Variants in LCMT1 observed in about 807,000 individuals in gnomAD.
LCMT1 encodes leucine carboxyl methyltransferase 1.
Under a neutral mutation model 47.7 loss-of-function variants are expected in LCMT1, and 32 were observed. The observed-to-expected ratio is 0.67, with a 90% CI of 0.51 to 0.90. The LOEUF (loss-of-function observed/expected upper bound fraction) is 0.90. LCMT1 is among the 40% of genes least tolerant of loss of function. The pLI, the probability that LCMT1 is intolerant of heterozygous loss-of-function variation, is 0.00. For synonymous variants in LCMT1, 152 were observed against 149.7 expected (o/e 1.02, Z -0.11); for missense variants, 375 against 415.2 (o/e 0.90, Z 0.84).
chr16:25,120,975 GT>G (rs1463332985), intron 1 of LCMT1, among the ~76,000 whole-genome samples: 9 of 143,372 alleles, frequency 6.3e-5, no homozygotes, highest in Non-Finnish European at 1.2e-4. Flanking sequence ...GCCTAGACTG[GT>G]CTCAAACTCC....
chr16:25,173,738 T>A (rs1339546248), intron 9 of LCMT1, among the ~76,000 whole-genome samples: 1 of 151,352 alleles, frequency 6.6e-6, no homozygotes, highest in East Asian at 1.9e-4. Context: ...AGAGATGGAG[T>A]CTTGCTATGT....
At position 25,178,119 on chromosome 16, in the gene LCMT1, A is replaced by G. The variant is rs774532019; in HGVS notation, c.*96A>G. On this transcript the variant is annotated 3_prime_UTR_variant, in exon 11 of 11. Transcript: ENST00000399069. ...TGAGCGGTGGGCGGGCCTCGTCCGC[A>G]GGTCTCATCCCACACTCTTGAGAAG... The G allele has an allele frequency of 8.9e-7, 1 of 1,129,780 alleles. No homozygotes were observed. Among genetic ancestry groups the G allele is most frequent in the Non-Finnish European group, 1.3e-6 (1 of 751,336 alleles). 70.0% of individuals were successfully genotyped at this position (1,129,780 alleles called of 1,614,324 possible).
chr16:25,169,270 A>G (rs940043792), intron 8 of LCMT1, 57 bp downstream of exon 8: 2 of 1,151,610 alleles, frequency 1.7e-6, no homozygotes, highest in African/African-American at 1.5e-5. Context: ...AAGATATATA[A>G]AGGTCTTTCT....
intron 5 of LCMT1, among the ~76,000 whole-genome samples, chr16:25,156,909 G>A (rs1473377711): frequency 2.0e-5 from 3 of 151,268 alleles, no homozygotes; most frequent in Non-Finnish European, 2.9e-5. Context: ...TGTACAGTCC[G>A]GAAATCTGCC....
intron 5 of LCMT1, among the ~76,000 whole-genome samples, chr16:25,154,299 C>T (rs4787694): frequency 0.67 from 101,940 of 151,736 alleles, 34,702 homozygotes; most frequent in Non-Finnish European, 0.74. Flanking sequence ...GCGTGAGCCA[C>T]TGGGCCTGGC....
At chr16:25,135,141 A>AC (rs1960465592) in intron 3 of LCMT1, among the ~76,000 whole-genome samples, 1 of 152,006 alleles carries the variant, frequency 6.6e-6, no homozygotes, top group South Asian at 2.1e-4. Flanking sequence ...AGGCTTACGT[A>AC]CCCCTCCTAA....
chr16:25,137,119 A>G (rs961712387), intron 3 of LCMT1, among the ~76,000 whole-genome samples: 1 of 151,848 alleles, frequency 6.6e-6, no homozygotes, highest in African/African-American at 2.4e-5. Flanking sequence ...AGTTATTTCC[A>G]TATCCCCCTA....
At chr16:25,139,190 G>A (rs1412622160) in intron 3 of LCMT1, among the ~76,000 whole-genome samples, 1 of 152,164 alleles carries the variant, frequency 6.6e-6, no homozygotes, top group Non-Finnish European at 1.5e-5. Flanking sequence ...GATTACAGGC[G>A]TGAGCCACGG....
chr16:25,115,058 T>G (rs1356488713), intron 1 of LCMT1, among the ~76,000 whole-genome samples: 3 of 152,228 alleles, frequency 2.0e-5, no homozygotes, highest in African/African-American at 7.2e-5. Context: ...CACCTCTTCC[T>G]ATCTGATTCT....
intron 3 of LCMT1, among the ~76,000 whole-genome samples, chr16:25,134,891 A>G (rs972092582): frequency 4.6e-5 from 7 of 152,162 alleles, no homozygotes; most frequent in Non-Finnish European, 1.5e-5. Flanking sequence ...ATGAGCCACT[A>G]TGCTCGGCTG....
chr16:25,151,333 A>G (rs552994629), intron 4 of LCMT1, among the ~76,000 whole-genome samples: 16 of 152,326 alleles, frequency 1.1e-4, no homozygotes, highest in African/African-American at 2.2e-4. Context: ...TGCTTAGCCA[A>G]TGTCACCTGA....
intron 1 of LCMT1, among the ~76,000 whole-genome samples, chr16:25,124,730 G>C (rs536565068): frequency 3.7e-4 from 56 of 152,190 alleles, no homozygotes; most frequent in Non-Finnish European, 7.2e-4. Flanking sequence ...TCCAGTTGAC[G>C]CTCGTGGAGA....
chr16:25,142,307 G>A (rs1480267879), intron 4 of LCMT1: 5 of 152,216 alleles, frequency 3.3e-5, no homozygotes, highest in Admixed American at 6.5e-5. Flanking sequence ...AAACCCGGTG[G>A]GATTTCAAAG....
At position 25,178,187 on chromosome 16, in the gene LCMT1, C is replaced by T. The variant is rs1962017238; in HGVS notation, c.*164C>T. ...GTCGCACATGTTCCTCTTCCTGTTC[C>T]TGTTGACATGTCGTTGTTTAAATAA... On this transcript the variant is annotated 3_prime_UTR_variant, in exon 11 of 11. Coordinates refer to ENST00000399069, the MANE Select transcript of LCMT1 (RefSeq NM_016309.3). 3.2e-6 allele frequency: 2 copies of T among 621,922 alleles called. No individual in the cohort carries two copies. The highest frequency in any genetic ancestry group is 1.9e-5 in the African/African-American group (1 of 53,034). 38.5% of individuals were successfully genotyped at this position (621,922 alleles called of 1,614,324 possible). A position where few individuals can be genotyped will look rare whatever the true frequency, so the allele number is the denominator to read the frequency against.
intron 1 of LCMT1, among the ~76,000 whole-genome samples, chr16:25,114,636 CCA>C (rs1475092833): frequency 6.6e-6 from 1 of 152,142 alleles, no homozygotes; most frequent in African/African-American, 2.4e-5. Context: ...TCTGCAGTTA[CCA>C]CCTGATAATC....
intron 5 of LCMT1, among the ~76,000 whole-genome samples, chr16:25,155,960 G>T (rs1259166625): frequency 6.6e-6 from 1 of 152,172 alleles, no homozygotes; most frequent in East Asian, 1.9e-4. Context: ...GATTAAGGGC[G>T]TGAGCCCCCG....
chr16:25,147,931 G>C (rs1175658470), intron 4 of LCMT1: 1 of 152,164 alleles, frequency 6.6e-6, no homozygotes, highest in East Asian at 1.9e-4. Flanking sequence ...TAAACCATCT[G>C]ATTTGGATTC....
In LCMT1 at chr16:25,111,984, C is replaced by T; in HGVS notation, c.101C>T (p.Ser34Phe). The T allele has an allele frequency of 6.2e-7, 1 of 1,612,796 alleles. No individual in the cohort carries two copies. Among genetic ancestry groups the T allele is most frequent in the South Asian group, 1.1e-5 (1 of 91,046 alleles). The part of the protein sequence containing the change: ...EGVRGTCEDA[S>F]LCKRFAVSIG... ...GTGCGCGGCACCTGCGAAGATGCTT[C>T]CCTGTGCAAGAGGTGCCTGTCGGGC... Residue 34 changes from serine (S) to phenylalanine (F), a missense_variant, in exon 1 of 11, where the codon TCC becomes TTC. Coordinates refer to ENST00000399069, the MANE Select transcript of LCMT1 (RefSeq NM_016309.3).
intron 4 of LCMT1, chr16:25,144,276 T>G (rs1960784578): frequency 6.6e-6 from 1 of 152,280 alleles, no homozygotes; most frequent in African/African-American, 2.4e-5. Flanking sequence ...ACTCCCTCCC[T>G]TTCTCCCAGT....
Sources: allele counts gnomAD v4.1 joint callset (sites outside exome capture counted in the v4.1 genomes callset), GRCh38; gene constraint gnomAD v4.1.1; transcripts MANE v1.5; gene names NCBI Gene and HGNC (gene_info 2026-07-23, HGNC 2026-07-21).